The following EML5 variants were observed in gnomAD, a reference collection of about 807,000 sequenced individuals.
EML5 encodes EMAP like 5.
Under a neutral mutation model 250.0 loss-of-function variants are expected in EML5, and 120 were observed. The ratio of observed to expected loss-of-function variants is 0.48; its 90% CI spans 0.41 to 0.56. The LOEUF is 0.56. Among genes scored for constraint, EML5 ranks in the 20% least tolerant of loss-of-function variants. EML5 has a pLI of 0.00. For synonymous variants in EML5, 771 were observed against 806.5 expected, an observed-to-expected ratio of 0.96 and a Z score of 0.75; for missense variants, 2,006 against 2,437.6, an observed-to-expected ratio of 0.82 and a Z score of 3.73.
intron 5 of EML5, 95 bp downstream of exon 5, chr14:88,740,292 G>T: frequency 9.6e-7 from 1 of 1,046,790 alleles, no homozygotes; most frequent in Non-Finnish European, 1.3e-6. Context: ...CAACCAAACT[G>T]ACTAGAAACA....
In EML5 at chr14:88,615,682, T is replaced by C. The variant is rs757698910; in HGVS notation, c.*136A>G. On this transcript the variant is annotated 3_prime_UTR_variant, in exon 44 of 44. Transcript: ENST00000554922. ...TATTTTGAACAGATCAGTCTTTCAC[T>C]ATTTTGATGATTCTGGGCATTTCTC... 1.3e-6 allele frequency: 1 copy of C among 759,180 alleles called. No individual in the cohort carries two copies. Among genetic ancestry groups the C allele is most frequent in the Non-Finnish European group, 2.1e-6 (1 of 467,262 alleles). 47.0% of individuals were successfully genotyped at this position (759,180 alleles called of 1,614,324 possible).
chr14:88,752,001 A>G (rs769975197), intron 2 of EML5, among the ~76,000 whole-genome samples: 3 of 152,252 alleles, frequency 2.0e-5, no homozygotes, highest in Non-Finnish European at 2.9e-5. Context: ...CAGGCTTAGC[A>G]TAATACCTGG....
At chr14:88,674,678 T>C (rs2092554061) in intron 21 of EML5, among the ~76,000 whole-genome samples, 1 of 152,312 alleles carries the variant, frequency 6.6e-6, no homozygotes, top group South Asian at 2.1e-4. Flanking sequence ...CAATCGTGCC[T>C]TCCCAACAGT....
intron 1 of EML5, among the ~76,000 whole-genome samples, chr14:88,775,251 T>C (rs1306442862): frequency 6.6e-6 from 1 of 152,190 alleles, no homozygotes; most frequent in Non-Finnish European, 1.5e-5. Flanking sequence ...AGTAAATACT[T>C]TGTCTTGTAC....
In EML5 at chr14:88,620,990, T is replaced by C. The variant is rs2088815239; in HGVS notation, c.5203-64A>G. ...CATTAAGTGAAGTACTTCTAAATTA[T>C]ACCAGTTTCCCCTCAAAATGCTCAA... On this transcript the variant is annotated intron_variant, in intron 38 of 43. Coordinates refer to ENST00000554922, the MANE Select transcript of EML5 (RefSeq NM_183387.3). The surrounding 1 kb of genome is among the most constrained non-coding windows in gnomAD (Gnocchi z 4.3). 2.0e-6 allele frequency: 3 copies of C among 1,469,296 alleles called. No individual in the cohort carries two copies. The highest frequency in any genetic ancestry group is 2.8e-5 in the Admixed American group (1 of 36,144). 91.0% of individuals were successfully genotyped at this position (1,469,296 alleles called of 1,614,324 possible).
At position 88,694,382 on chromosome 14, in the gene EML5, C is replaced by A; in HGVS notation, c.2464G>T (p.Val822Leu). 1.3e-6 allele frequency: 2 copies of A among 1,585,042 alleles called. No individual in the cohort carries two copies. The highest frequency in any genetic ancestry group is 1.7e-6 in the Non-Finnish European group (2 of 1,164,932). Residue 822 changes from valine to leucine, a missense_variant, in exon 17 of 44, where the codon GTA becomes TTA. By Grantham distance (32) the Val-to-Leu change is conservative. This residue lies in a region of EML5 where 1,375 missense variants were observed against 1,590.3 expected (regional missense o/e 0.86). Coordinates refer to ENST00000554922, the MANE Select transcript of EML5 (RefSeq NM_183387.3). ...TCAGGCACATAGGGGTTCATCTTTA[C>A]AACAAAAATCTTATCTTTACTTCCT... is the stretch of plus-strand genomic sequence containing the variant. ...ARGSKDKIFV[V>L]KMNPYVPDKL... is the part of the protein sequence containing the mutation.
intron 15 of EML5, among the ~76,000 whole-genome samples, chr14:88,695,974 A>G (rs1227198935): frequency 6.6e-6 from 1 of 152,064 alleles, no homozygotes; most frequent in Non-Finnish European, 1.5e-5. Flanking sequence ...ACTGCGACAA[A>G]TGATCAGTGA....
intron 34 of EML5, chr14:88,627,381 C>T (rs940015456): frequency 4.2e-6 from 2 of 476,558 alleles, no homozygotes. Context: ...ATAATAAATA[C>T]ATAGTTTCTT....
intron 1 of EML5, among the ~76,000 whole-genome samples, chr14:88,791,860 C>A (rs779529782): frequency 6.6e-6 from 1 of 152,184 alleles, no homozygotes; most frequent in South Asian, 2.1e-4. Context: ...CCTGGGCGCG[C>A]TCCCCGGGAG....
chr14:88,747,374 T>C (rs2094020842), intron 2 of EML5, among the ~76,000 whole-genome samples: 2 of 152,060 alleles, frequency 1.3e-5, no homozygotes, highest in South Asian at 4.1e-4. Flanking sequence ...GTCGTTCCAC[T>C]GCACTCTAGC....
chr14:88,627,406 G>C (rs928847075), intron 34 of EML5: 3 of 493,642 alleles, frequency 6.1e-6, no homozygotes, highest in Non-Finnish European at 1.1e-5. Flanking sequence ...GAAGAAAATA[G>C]CAGTGAATCA....
intron 14 of EML5, among the ~76,000 whole-genome samples, chr14:88,699,593 A>G (rs2093162036): frequency 6.6e-6 from 1 of 152,186 alleles, no homozygotes; most frequent in African/African-American, 2.4e-5. Context: ...AAATGGATAG[A>G]GGAAAAAAGC....
At chr14:88,701,794 A>C (rs1384942985) in intron 14 of EML5, among the ~76,000 whole-genome samples, 1 of 152,188 alleles carries the variant, frequency 6.6e-6, no homozygotes, top group African/African-American at 2.4e-5. Flanking sequence ...AATTTCTCCA[A>C]ACCTAAACCT....
rs2094621165 is a variant in EML5 at position 88,792,504 on chromosome 14, G to C, written c.-1C>G. ...AGCTCGGGGCGCTCCGGGCCGCCAT[G>C]TCGGGGCGCCCACCCGCCGCTCCCG... On this transcript the variant is annotated 5_prime_UTR_variant, in exon 1 of 44. Coordinates refer to ENST00000554922, the MANE Select transcript of EML5 (RefSeq NM_183387.3). The surrounding 1 kb of genome is among the most constrained non-coding windows in gnomAD (Gnocchi z 6.9). 1 of 1,381,322 alleles carries C rather than the reference G, an allele frequency of 7.2e-7. No homozygotes were observed. The highest frequency in any genetic ancestry group is 9.4e-7 in the Non-Finnish European group (1 of 1,058,678). The allele number at this position is 1,381,322 out of a possible 1,614,324, so 85.6% of individuals were successfully genotyped here.
At chr14:88,672,262 T>C (rs1367607168) in intron 21 of EML5, among the ~76,000 whole-genome samples, 1 of 152,038 alleles carries the variant, frequency 6.6e-6, no homozygotes, top group African/African-American at 2.4e-5. Context: ...ACCACATAAC[T>C]ACACAGAAAT....
intron 2 of EML5, among the ~76,000 whole-genome samples, chr14:88,746,585 T>C (rs964525718): frequency 9.9e-5 from 15 of 152,064 alleles, no homozygotes; most frequent in Non-Finnish European, 1.6e-4. Context: ...TGTAAAATCA[T>C]GTTTTTAAAT....
intron 1 of EML5, among the ~76,000 whole-genome samples, chr14:88,766,072 C>T (rs56765027): frequency 0.01 from 1,564 of 152,244 alleles, 26 homozygotes; most frequent in African/African-American, 0.036. Flanking sequence ...AATACTCTTG[C>T]GATTTCCTAT....
intron 26 of EML5, 88 bp downstream of exon 26, chr14:88,658,099 T>G: frequency 7.5e-7 from 1 of 1,324,640 alleles, no homozygotes; most frequent in Non-Finnish European, 1.1e-6. Context: ...ATTCAAACAT[T>G]ATTATTACTT....
In EML5 at chr14:88,704,742, T is replaced by C. The variant is rs1227418316; in HGVS notation, c.2051+118A>G. 3.5e-5 allele frequency: 24 copies of C among 682,758 alleles called. No individual in the cohort carries two copies. The South Asian group carries it at 5.4e-4, about 15-fold the overall frequency. The allele number at this position is 682,758 out of a possible 1,614,324, so 42.3% of individuals were successfully genotyped here. ...TGATGTGTTTTCCCCATGGGCAATGTTGTATCCTTTCGGATATGTCATTTC... is the reference window on the plus strand; with the variant it reads ...TGATGTGTTTTCCCCATGGGCAATGCTGTATCCTTTCGGATATGTCATTTC... On this transcript the variant is annotated intron_variant, in intron 13 of 43. Coordinates refer to ENST00000554922, the MANE Select transcript of EML5 (RefSeq NM_183387.3).
Sources: gnomAD v4.1 joint callset for allele counts (sites outside exome capture counted in the v4.1 genomes callset) on GRCh38, gnomAD v4.1.1 for gene constraint, gnomAD v4.1.1 regional missense constraint, Gnocchi (gnomAD v3.1) non-coding constraint, MANE v1.5 for transcripts, NCBI Gene and HGNC (gene_info 2026-07-23, HGNC 2026-07-21) for gene names.